Variants in MYO1G observed in about 807,000 individuals in gnomAD.
The protein encoded by MYO1G is myosin IG, also known as unconventional myosin-Ig.
Under a neutral mutation model 115.3 loss-of-function variants are expected in MYO1G, and 65 were observed. The observed-to-expected ratio is 0.56, with a 90% confidence interval of 0.46 to 0.69. MYO1G has a LOEUF of 0.69. MYO1G is among the 30% of genes least tolerant of loss of function. MYO1G has a pLI of 0.00. For missense variants in MYO1G, 1,204 were observed against 1,393.5 expected, an observed-to-expected ratio of 0.86 and a Z score of 2.16; for synonymous variants, 510 against 552.6, an observed-to-expected ratio of 0.92 and a Z score of 1.08.
chr7:44,976,848 G>A lies in MYO1G; in HGVS notation c.304+15C>T, dbSNP rs374337260. On this transcript the variant is annotated intron_variant, in intron 2 of 21. Coordinates refer to ENST00000258787, the MANE Select transcript of MYO1G (RefSeq NM_033054.3). ...AAGATGCCGAGGGTGGGGGCCCGGC[G>A]GCAGGGACAGGTACCTGAGATGACG... 1.6e-4 allele frequency: 254 copies of A among 1,612,260 alleles called. No individual in the cohort carries two copies. The highest frequency in any genetic ancestry group is 2.0e-4 in the Non-Finnish European group (236 of 1,179,512).
chr7:44,968,254 G>A (rs952766815), intron 12 of MYO1G, among the ~76,000 whole-genome samples: 3 of 152,224 alleles, frequency 2.0e-5, no homozygotes, highest in African/African-American at 7.2e-5. Flanking sequence ...CCACATGCAT[G>A]CTGTGTGACT....
Position 44,975,237 on chromosome 7 carries a change from G to C in MYO1G, c.565-10C>G, listed in dbSNP as rs370689835. On this transcript the variant is annotated splice_polypyrimidine_tract_variant and intron_variant, in intron 4 of 21. Transcript: ENST00000258787. Reference sequence around the variant, plus strand: ...GCTTGAGGACCCGAGACTGAGGAGAGAGGGGCAGATGGACTCAGGCCTGGG... The same window carrying C: ...GCTTGAGGACCCGAGACTGAGGAGACAGGGGCAGATGGACTCAGGCCTGGG... The C allele has an allele frequency of 1.5e-5, 25 of 1,614,018 alleles. No homozygotes were observed. The highest frequency in any genetic ancestry group is 1.5e-4 in the African/African-American group (11 of 75,042).
Position 44,963,917 on chromosome 7 carries a change from A to T in MYO1G, c.2745+132T>A. 1.4e-6 allele frequency: 1 copy of T among 731,014 alleles called. No individual in the cohort carries two copies. Among genetic ancestry groups the T allele is most frequent in the Non-Finnish European group, 2.3e-6 (1 of 437,866 alleles). The allele number at this position is 731,014 out of a possible 1,614,324, so 45.3% of individuals were successfully genotyped here. A position where few individuals can be genotyped will look rare whatever the true frequency, so the allele number is the denominator to read the frequency against. Reference sequence around the variant, plus strand: ...CTGCAGGATTTTCAGCACGGGTGCCACCATCGCTGAGTTTTAGGATGGTCT... The same window carrying T: ...CTGCAGGATTTTCAGCACGGGTGCCTCCATCGCTGAGTTTTAGGATGGTCT... On this transcript the variant is annotated intron_variant, in intron 20 of 21. Transcript: ENST00000258787. This position sits in a 1 kb window ranked among gnomAD's most constrained non-coding sequence, Gnocchi z 4.1.
In MYO1G at chr7:44,967,746, A is replaced by C. The variant is rs368747995; in HGVS notation, c.1650-9T>G. On this transcript the variant is annotated splice_polypyrimidine_tract_variant and intron_variant, in intron 13 of 21. Transcript: ENST00000258787. ...GTAGAGTGGGGTCCGTGCTGCAGACACAGGCCGAATTCCCAGCCATCCTCT... is the reference window on the plus strand; with the variant it reads ...GTAGAGTGGGGTCCGTGCTGCAGACCCAGGCCGAATTCCCAGCCATCCTCT... The C allele has an allele frequency of 5.6e-5, 90 of 1,613,016 alleles. No homozygotes were observed. The African/African-American group carries it at 1.2e-3, about 21-fold the overall frequency.
chr7:44,966,853 G>A lies in MYO1G; in HGVS notation c.1783-15C>T, dbSNP rs752552116. On this transcript the variant is annotated splice_polypyrimidine_tract_variant and intron_variant, in intron 14 of 21. Transcript: ENST00000258787. This position sits in a 1 kb window ranked among gnomAD's most constrained non-coding sequence, Gnocchi z 5.0. Reference sequence around the variant, plus strand: ...TAGAAGGGCTCCTGCAGGGACAGAGGGGACTTGGAGAGGGTCTGCGCCAGC... The same window carrying A: ...TAGAAGGGCTCCTGCAGGGACAGAGAGGACTTGGAGAGGGTCTGCGCCAGC... The A allele has an allele frequency of 3.8e-6, 6 of 1,591,004 alleles. No homozygotes were observed. In the African/African-American group the frequency reaches 8.1e-5, roughly 21 times the overall value.
Position 44,966,526 on chromosome 7 carries a change from T to G in MYO1G, c.1949+146A>C. On this transcript the variant is annotated intron_variant, in intron 15 of 21. Transcript: ENST00000258787. The surrounding 1 kb of genome is among the most constrained non-coding windows in gnomAD (Gnocchi z 5.0). ...GTGCTCACACACATGTCTTCCCAGA[T>G]ATTTTGGTGTCTTGAGGCCAGCAGC... 1 of 992,682 alleles carries G rather than the reference T, an allele frequency of 1.0e-6. No homozygotes were observed. The highest frequency in any genetic ancestry group is 1.6e-6 in the Non-Finnish European group (1 of 644,222). 61.5% of individuals were successfully genotyped at this position (992,682 alleles called of 1,614,324 possible). A position where few individuals can be genotyped will look rare whatever the true frequency, so the allele number is the denominator to read the frequency against.
intron 5 of MYO1G, chr7:44,972,529 G>T: frequency 5.2e-6 from 2 of 381,026 alleles, no homozygotes; most frequent in South Asian, 2.3e-5. Flanking sequence ...GACCCAGGGG[G>T]ATCCCACCTC....
intron 2 of MYO1G, 72 bp from the exon 3 acceptor site, chr7:44,976,729 C>A: frequency 6.3e-7 from 1 of 1,597,306 alleles, no homozygotes; most frequent in Non-Finnish European, 8.6e-7. Flanking sequence ...TGCCCACTCA[C>A]ACCCCCAAGA....
chr7:44,963,577 G>A lies in MYO1G; in HGVS notation c.2746-453C>T, dbSNP rs928952769. The A allele has an allele frequency of 9.9e-6, 2 of 202,590 alleles. No homozygotes were observed. The highest frequency in any genetic ancestry group is 2.6e-4 in the South Asian group (2 of 7,810). 12.5% of individuals were successfully genotyped at this position (202,590 alleles called of 1,614,324 possible). ...TGAAACTGTGGGAGACCCAGAGGTAGCCTGGCCTTGATCCCTACCCCCGTC... is the reference window on the plus strand; with the variant it reads ...TGAAACTGTGGGAGACCCAGAGGTAACCTGGCCTTGATCCCTACCCCCGTC... On this transcript the variant is annotated intron_variant, in intron 20 of 21. Transcript: ENST00000258787. This position sits in a 1 kb window ranked among gnomAD's most constrained non-coding sequence, Gnocchi z 4.1.
At position 44,965,098 on chromosome 7, in the gene MYO1G, G is replaced by C. The variant is rs773266748; in HGVS notation, c.2382-9C>G. On this transcript the variant is annotated splice_polypyrimidine_tract_variant and intron_variant, in intron 17 of 21. Coordinates refer to ENST00000258787, the MANE Select transcript of MYO1G (RefSeq NM_033054.3). ...GCTGCCGGGCCCGCCACCTGGGAGA[G>C]GGCATGTAGTCAGACAGATGCTGGC... 1.4e-5 allele frequency: 22 copies of C among 1,600,390 alleles called. No homozygotes were observed. The highest frequency in any genetic ancestry group is 1.8e-5 in the Non-Finnish European group (21 of 1,169,926).
chr7:44,977,194 G>T, intron 1 of MYO1G, 123 bp from the exon 2 acceptor site: 1 of 886,318 alleles, frequency 1.1e-6, no homozygotes, highest in Non-Finnish European at 1.7e-6. Flanking sequence ...CGGGCTGAGA[G>T]TGGAGAAGGA....
intron 17 of MYO1G, 62 bp from the exon 18 acceptor site, chr7:44,965,151 C>A: frequency 6.4e-7 from 1 of 1,554,224 alleles, no homozygotes; most frequent in Admixed American, 1.8e-5. Context: ...CCTGAGCCCC[C>A]TCTCCACAGA....
intron 17 of MYO1G, 99 bp from the exon 18 acceptor site, chr7:44,965,188 G>C: frequency 6.7e-7 from 1 of 1,494,190 alleles, no homozygotes; most frequent in Non-Finnish European, 9.0e-7. Flanking sequence ...GCCTGGTGCT[G>C]CCTGCCTTTC....
chr7:44,975,821 G>A (rs1363646968), intron 3 of MYO1G, among the ~76,000 whole-genome samples, 172 bp from the exon 4 acceptor site: 1 of 152,234 alleles, frequency 6.6e-6, no homozygotes, highest in African/African-American at 2.4e-5. Context: ...CTGAGGTTGT[G>A]TGACGGTCAC....
rs557378144 is a variant in MYO1G, at chr7:44,974,788, A to G, written c.618+386T>C. The G allele has an allele frequency of 1.5e-5, 4 of 275,200 alleles. No homozygotes were observed. In the East Asian group the frequency reaches 2.3e-4, roughly 16 times the overall value. The allele number at this position is 275,200 out of a possible 1,614,324, so 17.0% of individuals were successfully genotyped here. Reference sequence around the variant, plus strand: ...CTATCTCACAGAGGTGCTCAGAGTCAATGCCCGTGTCCCCAGGAGCACCAC... The same window carrying G: ...CTATCTCACAGAGGTGCTCAGAGTCGATGCCCGTGTCCCCAGGAGCACCAC... On this transcript the variant is annotated intron_variant, in intron 5 of 21. Transcript: ENST00000258787.
chr7:44,967,691 T>C lies in MYO1G; in HGVS notation c.1696A>G (p.Ile566Val). ...RAMWPDGQQD[I>V]TEVTKRPLTA... is the part of the protein sequence containing the mutation. ...AGGGGGCGCTTGGTCACCTCTGTGA[T>C]GTCCTGCTGCCCGTCCGGCCACATG... The change falls in exon 14 of 22, where the codon ATC (isoleucine) becomes GTC (valine). Residue 566 changes from isoleucine to valine, a missense_variant. Ile to Val is a conservative substitution (Grantham distance 29, BLOSUM62 3). Coordinates refer to ENST00000258787, the MANE Select transcript of MYO1G (RefSeq NM_033054.3). 1 of 1,613,762 alleles carries C rather than the reference T, an allele frequency of 6.2e-7. No individual in the cohort carries two copies. The highest frequency in any genetic ancestry group is 8.5e-7 in the Non-Finnish European group (1 of 1,180,014).
Position 44,962,985 on chromosome 7 carries a change from G to A in MYO1G, c.2885C>T (p.Ala962Val). 1 of 1,532,778 alleles carries A rather than the reference G, an allele frequency of 6.5e-7. No homozygotes were observed. The highest frequency in any genetic ancestry group is 8.7e-7 in the Non-Finnish European group (1 of 1,144,182). 94.9% of individuals were successfully genotyped at this position (1,532,778 alleles called of 1,614,324 possible). ...NRVGELVGVL[A>V]AHCQGEGRTL... is the part of the protein sequence containing the mutation. ...CTGCACTCACCCCTGGCAGTGTGCG[G>A]CCAGCACGCCCACCAGCTCCCCAAC... Residue 962 changes from alanine (A) to valine (V), a missense_variant, in exon 21 of 22, where the codon GCC (alanine) becomes GTC (valine). Physicochemically the swap from Ala to Val is moderately conservative, Grantham distance 64 (BLOSUM62 0). Coordinates refer to ENST00000258787, the MANE Select transcript of MYO1G (RefSeq NM_033054.3). The surrounding 1 kb of genome is among the most constrained non-coding windows in gnomAD (Gnocchi z 5.3).
Position 44,969,238 on chromosome 7 carries a change from G to A in MYO1G, c.1574+175C>T, listed in dbSNP as rs1583788798. Reference sequence around the variant, plus strand: ...CCACTATCCTCAAACCCTGTTTCCTGCTCTTCACTTGTGAATCTGCTGTCC... The same window carrying A: ...CCACTATCCTCAAACCCTGTTTCCTACTCTTCACTTGTGAATCTGCTGTCC... On this transcript the variant is annotated intron_variant, in intron 12 of 21. Transcript: ENST00000258787. The surrounding 1 kb of genome is among the most constrained non-coding windows in gnomAD (Gnocchi z 5.0). 15 of 670,306 alleles carry A rather than the reference G, an allele frequency of 2.2e-5. No individual in the cohort carries two copies. The East Asian group carries it at 3.9e-4, about 17-fold the overall frequency. 41.5% of individuals were successfully genotyped at this position (670,306 alleles called of 1,614,324 possible). A position where few individuals can be genotyped will look rare whatever the true frequency, so the allele number is the denominator to read the frequency against.
In MYO1G at chr7:44,975,658, G is replaced by T. The variant is rs1417608876; in HGVS notation, c.399-9C>A. Reference sequence around the variant, plus strand: ...GCAGCACGTCCTTGACCCTGTCAGGGCAGAGGGGCTGGGTCTTAAGGCAAA... The same window carrying T: ...GCAGCACGTCCTTGACCCTGTCAGGTCAGAGGGGCTGGGTCTTAAGGCAAA... On this transcript the variant is annotated splice_polypyrimidine_tract_variant and intron_variant, in intron 3 of 21. Coordinates refer to ENST00000258787, the MANE Select transcript of MYO1G (RefSeq NM_033054.3). 1.3e-6 allele frequency: 2 copies of T among 1,592,368 alleles called. No homozygotes were observed. Among genetic ancestry groups the T allele is most frequent in the Non-Finnish European group, 1.7e-6 (2 of 1,165,288 alleles).
Sources: allele counts gnomAD v4.1 joint callset (sites outside exome capture counted in the v4.1 genomes callset), GRCh38; gene constraint gnomAD v4.1.1; non-coding constraint Gnocchi (gnomAD v3.1); transcripts MANE v1.5; gene names NCBI Gene and HGNC (gene_info 2026-07-23, HGNC 2026-07-21).